The following C1GALT1 variants were observed in gnomAD, a reference collection of about 807,000 sequenced individuals.
The protein encoded by C1GALT1 is core 1 synthase, glycoprotein-N-acetylgalactosamine 3-beta-galactosyltransferase 1.
Under a neutral mutation model 31.0 loss-of-function variants are expected in C1GALT1, and 11 were observed. That is an observed-to-expected ratio of 0.36 (90% CI 0.22 to 0.59). C1GALT1 has a LOEUF of 0.59. Ranked by LOEUF, C1GALT1 falls within the 20% of genes least tolerant of loss-of-function variation. C1GALT1 has a pLI of 0.79. For missense variants in C1GALT1, 424 were observed against 425.2 expected (o/e 1.00, Z 0.03); for synonymous variants, 175 against 143.6 (o/e 1.22, Z -1.56).
Position 7,245,174 on chromosome 7 carries a change from T to C in C1GALT1, c.*1447T>C, listed in dbSNP as rs1376421520. 6.6e-6 allele frequency: 1 copy of C among 152,276 alleles called. No individual in the cohort carries two copies. The highest frequency in any genetic ancestry group is 1.5e-5 in the Non-Finnish European group (1 of 68,042). 9.4% of individuals were successfully genotyped at this position (152,276 alleles called of 1,614,324 possible). On this transcript the variant is annotated 3_prime_UTR_variant, in exon 4 of 4. Coordinates refer to ENST00000436587, the MANE Select transcript of C1GALT1 (RefSeq NM_020156.5). Reference sequence around the variant, plus strand: ...TACATTTCCCTCATGTTTATCATTATGCCAATTTTACATGGCAGTCATGCC... The same window carrying C: ...TACATTTCCCTCATGTTTATCATTACGCCAATTTTACATGGCAGTCATGCC...
chr7:7,201,648 G>T (rs965365832), intron 1 of C1GALT1, among the ~76,000 whole-genome samples: 1 of 152,194 alleles, frequency 6.6e-6, no homozygotes, highest in African/African-American at 2.4e-5. Flanking sequence ...CACAAAGCCC[G>T]AAAGGCCAGT....
At chr7:7,200,957 C>T (rs1047599925) in intron 1 of C1GALT1, among the ~76,000 whole-genome samples, 2 of 152,168 alleles carry the variant, frequency 1.3e-5, no homozygotes, top group Admixed American at 1.3e-4. Flanking sequence ...TCCTTTAGCT[C>T]GGAGAATTTG....
intron 1 of C1GALT1, among the ~76,000 whole-genome samples, chr7:7,205,419 T>G (rs1446487985): frequency 6.7e-6 from 1 of 148,368 alleles, no homozygotes; most frequent in African/African-American, 2.5e-5. Flanking sequence ...TTAAGAAAAT[T>G]ATAAAGGAGA....
intron 3 of C1GALT1, 66 bp from the exon 4 acceptor site, chr7:7,243,458 G>A (rs1783716425): frequency 3.1e-6 from 4 of 1,273,218 alleles, no homozygotes; most frequent in South Asian, 1.5e-5. Context: ...TCCTTTATAA[G>A]TATGTAAATA....
intron 1 of C1GALT1, among the ~76,000 whole-genome samples, chr7:7,197,325 C>T (rs1288457553): frequency 2.6e-5 from 4 of 152,086 alleles, no homozygotes; most frequent in Admixed American, 6.6e-5. Flanking sequence ...TTGTTTTTGT[C>T]GGGTTTGTCA....
At chr7:7,217,936 C>G (rs768761808) in intron 1 of C1GALT1, among the ~76,000 whole-genome samples, 1 of 152,146 alleles carries the variant, frequency 6.6e-6, no homozygotes, top group African/African-American at 2.4e-5. Context: ...AGCTAGATGG[C>G]TCTTGCAAGC....
chr7:7,243,676 T>C lies in C1GALT1; in HGVS notation c.1041T>C (p.Ile347=), dbSNP rs764346763. Residue 347 remains isoleucine, a synonymous_variant, in exon 4 of 4, where the codon ATT becomes ATC. Coordinates refer to ENST00000436587, the MANE Select transcript of C1GALT1 (RefSeq NM_020156.5). ...PTLPERILKE[I]SQANKNEDTK... Reference sequence around the variant, plus strand: ...TACCTGAACGTATACTAAAGGAAATTAGTCAAGCAAACAAAAATGAAGATA... The same window carrying C: ...TACCTGAACGTATACTAAAGGAAATCAGTCAAGCAAACAAAAATGAAGATA... 3 of 1,604,584 alleles carry C rather than the reference T, an allele frequency of 1.9e-6. No homozygotes were observed. Among genetic ancestry groups the C allele is most frequent in the South Asian group, 1.1e-5 (1 of 88,826 alleles).
At chr7:7,160,928 A>G (rs1427102953) in intron 2 of C1GALT1, among the ~76,000 whole-genome samples, 2 of 152,120 alleles carry the variant, frequency 1.3e-5, no homozygotes, top group African/African-American at 4.8e-5. Flanking sequence ...AGAAGTAATG[A>G]GTATTGAGAG....
At chr7:7,219,065 C>T (rs535394291) in intron 1 of C1GALT1, among the ~76,000 whole-genome samples, 1 of 152,206 alleles carries the variant, frequency 6.6e-6, no homozygotes, top group Non-Finnish European at 1.5e-5. Flanking sequence ...TCTCGATCTC[C>T]TGACCTTCGT....
intron 1 of C1GALT1, among the ~76,000 whole-genome samples, chr7:7,206,676 CAA>C (rs33962259): frequency 2.4e-3 from 275 of 114,568 alleles, no homozygotes; most frequent in African/African-American, 8.1e-3. Context: ...AACTCCGTCT[CAA>C]AAAAAAAAAA....
chr7:7,214,564 C>T (rs1030688526), intron 1 of C1GALT1, among the ~76,000 whole-genome samples: 11 of 152,170 alleles, frequency 7.2e-5, no homozygotes, highest in Admixed American at 2.6e-4. Flanking sequence ...TTAAGATTTT[C>T]GGCTTTCGAA....
intron 1 of C1GALT1, among the ~76,000 whole-genome samples, chr7:7,229,952 A>G (rs1782987787): frequency 6.6e-6 from 1 of 152,198 alleles, no homozygotes; most frequent in South Asian, 2.1e-4. Flanking sequence ...ATAGAGCAAA[A>G]GGTGTAAACA....
intron 1 of C1GALT1, among the ~76,000 whole-genome samples, chr7:7,197,355 T>C (rs1415842733): frequency 6.6e-6 from 1 of 152,138 alleles, no homozygotes. Flanking sequence ...AGGTTGTACA[T>C]GTGTGGTTTT....
intron 1 of C1GALT1, among the ~76,000 whole-genome samples, chr7:7,186,087 C>T (rs1365634417): frequency 6.6e-6 from 1 of 152,170 alleles, no homozygotes; most frequent in Non-Finnish European, 1.5e-5. Context: ...TCTGCAGAGT[C>T]CTGAGGATAG....
intron 1 of C1GALT1, among the ~76,000 whole-genome samples, chr7:7,204,097 G>GTTTTTTTTTTTTTTT (rs74853892): frequency 1.5e-5 from 2 of 129,648 alleles, no homozygotes; most frequent in South Asian, 2.5e-4. Context: ...CTCCTCTTCT[G>GTTTTTTTTTTTTTTT]TTTTTTTTTT....
At chr7:7,160,671 A>G (rs528516738) in intron 2 of C1GALT1, among the ~76,000 whole-genome samples, 2 of 152,178 alleles carry the variant, frequency 1.3e-5, no homozygotes, top group Admixed American at 1.3e-4. Context: ...AAGGATGGAC[A>G]CATACATGCA....
At chr7:7,219,843 ATTG>A (rs1177596400) in intron 1 of C1GALT1, among the ~76,000 whole-genome samples, 6 of 152,118 alleles carry the variant, frequency 3.9e-5, no homozygotes, top group South Asian at 2.1e-4. Flanking sequence ...TGTATATGAA[ATTG>A]TTGTATATAA....
chr7:7,202,853 G>T (rs771291216), intron 1 of C1GALT1, among the ~76,000 whole-genome samples: 2 of 152,098 alleles, frequency 1.3e-5, no homozygotes, highest in Non-Finnish European at 2.9e-5. Flanking sequence ...TCTAATTGAT[G>T]AACATGTAAT....
At chr7:7,175,978 TG>T (rs1297421419) in intron 2 of C1GALT1, among the ~76,000 whole-genome samples, 1 of 152,086 alleles carries the variant, frequency 6.6e-6, no homozygotes, top group Non-Finnish European at 1.5e-5. Flanking sequence ...AGGATAGGGT[TG>T]GGGGGCTTTC....
Sources: gnomAD v4.1 joint callset for allele counts (sites outside exome capture counted in the v4.1 genomes callset) on GRCh38, gnomAD v4.1.1 for gene constraint, MANE v1.5 for transcripts, NCBI Gene and HGNC (gene_info 2026-07-23, HGNC 2026-07-21) for gene names.